The following GALNTL6 variants were observed in gnomAD, a reference collection of about 807,000 sequenced individuals.
The protein encoded by GALNTL6 is polypeptide N-acetylgalactosaminyltransferase like 6.
A neutral mutation model predicts 73.7 loss-of-function variants in GALNTL6; 46 were observed. The observed-to-expected ratio is 0.62, with a 90% CI of 0.49 to 0.80. The LOEUF (loss-of-function observed/expected upper bound fraction) is 0.80. Ranked by LOEUF, GALNTL6 falls within the 30% of genes least tolerant of loss-of-function variation. The probability of loss-of-function intolerance (pLI) is 0.00; values close to 1 mark genes in which losing one functional copy is unlikely to be tolerated. For synonymous variants in GALNTL6, 259 were observed against 263.7 expected, an observed-to-expected ratio of 0.98 and a Z score of 0.17; for missense variants, 604 against 755.0, an observed-to-expected ratio of 0.80 and a Z score of 2.34.
chr4:172,869,327 G>T (rs181613364), intron 7 of GALNTL6, among the ~76,000 whole-genome samples: 1 of 152,186 alleles, frequency 6.6e-6, no homozygotes, highest in Non-Finnish European at 1.5e-5. Context: ...ACTGATATAG[G>T]TGGAGTTGTC....
At chr4:172,953,555 G>C (rs576653635) in intron 10 of GALNTL6, among the ~76,000 whole-genome samples, 4 of 152,182 alleles carry the variant, frequency 2.6e-5, no homozygotes, top group Admixed American at 2.6e-4. Context: ...CCAGGGCATG[G>C]TAGGAGAGGC....
At chr4:171,978,438 T>G (rs1030892320) in intron 2 of GALNTL6, among the ~76,000 whole-genome samples, 1 of 152,102 alleles carries the variant, frequency 6.6e-6, no homozygotes, top group African/African-American at 2.4e-5. Context: ...AGGGGAGATA[T>G]GTCCACTCTA....
intron 5 of GALNTL6, among the ~76,000 whole-genome samples, chr4:172,775,115 T>C (rs922529226): frequency 5.9e-5 from 9 of 152,058 alleles, no homozygotes; most frequent in African/African-American, 2.2e-4. Context: ...TTTTTCTCAC[T>C]GGAAAAGCAT....
At chr4:172,174,073 G>C (rs1381318010) in intron 2 of GALNTL6, among the ~76,000 whole-genome samples, 1 of 152,174 alleles carries the variant, frequency 6.6e-6, no homozygotes, top group Admixed American at 6.5e-5. Context: ...CATTCTAGCT[G>C]AAACATAGAA....
intron 2 of GALNTL6, among the ~76,000 whole-genome samples, chr4:171,942,463 C>G (rs1217158786): frequency 6.6e-6 from 1 of 152,032 alleles, no homozygotes; most frequent in Non-Finnish European, 1.5e-5. Context: ...ATTTGAATCA[C>G]TATTACTCTG....
At chr4:172,889,046 T>C (rs1745878222) in intron 8 of GALNTL6, among the ~76,000 whole-genome samples, 1 of 152,180 alleles carries the variant, frequency 6.6e-6, no homozygotes, top group Non-Finnish European at 1.5e-5. Flanking sequence ...GCATTATTGA[T>C]TCAACTCTCA....
At chr4:172,410,345 C>T (rs1744386506) in intron 5 of GALNTL6, among the ~76,000 whole-genome samples, 1 of 151,914 alleles carries the variant, frequency 6.6e-6, no homozygotes, top group African/African-American at 2.4e-5. Flanking sequence ...CTCCAGAACT[C>T]TATTATATAA....
intron 2 of GALNTL6, among the ~76,000 whole-genome samples, chr4:171,926,499 T>C (rs1165530994): frequency 3.3e-5 from 5 of 152,130 alleles, no homozygotes; most frequent in East Asian, 1.9e-4. Context: ...CTGCTACTTA[T>C]GGAATTTTTA....
chr4:172,335,202 A>G (rs1741272714), intron 4 of GALNTL6, among the ~76,000 whole-genome samples: 1 of 152,010 alleles, frequency 6.6e-6, no homozygotes, highest in African/African-American at 2.4e-5. Context: ...CACCAATCAT[A>G]TGACTTTTGT....
chr4:172,721,873 A>G (rs1429131514), intron 5 of GALNTL6, among the ~76,000 whole-genome samples: 2 of 152,156 alleles, frequency 1.3e-5, no homozygotes, highest in Non-Finnish European at 2.9e-5. Context: ...AGGGATAATG[A>G]ACTTGTGTTA....
intron 2 of GALNTL6, among the ~76,000 whole-genome samples, chr4:171,933,094 G>T (rs894933669): frequency 1.3e-5 from 2 of 152,108 alleles, no homozygotes; most frequent in Non-Finnish European, 2.9e-5. Context: ...ACTTATGAAT[G>T]ATAACTATGT....
At chr4:172,593,781 GT>G (rs1737746291) in intron 5 of GALNTL6, among the ~76,000 whole-genome samples, 2 of 151,908 alleles carry the variant, frequency 1.3e-5, no homozygotes, top group Admixed American at 6.6e-5. Flanking sequence ...CCAGGCTGGA[GT>G]GTAATAGTGT....
chr4:172,760,429 A>G (rs1738016241), intron 5 of GALNTL6, among the ~76,000 whole-genome samples: 1 of 152,174 alleles, frequency 6.6e-6, no homozygotes. Flanking sequence ...ACTATTCCTG[A>G]AATTTTTAAA....
At chr4:172,797,413 T>A (rs942170547) in intron 5 of GALNTL6, among the ~76,000 whole-genome samples, 1 of 151,818 alleles carries the variant, frequency 6.6e-6, no homozygotes, top group East Asian at 1.9e-4. Flanking sequence ...CCCGGCTAAT[T>A]TTTTGTATTT....
In GALNTL6 at chr4:172,626,289, C is replaced by G. The variant is rs1224377439; in HGVS notation, c.554-183072C>G. Among the ~76,000 whole-genome samples the G allele has an allele frequency of 2.0e-5, 3 of 152,050 alleles. No homozygotes were observed. The East Asian group carries it at 5.8e-4, about 29-fold the overall frequency. ...TTGAATAGAAAGTCCTTTCCACTTG[C>G]TTATTTTTGTAGACTTAGTTGCAGA... is the stretch of plus-strand genomic sequence containing the variant. On this transcript the variant is annotated intron_variant, in intron 5 of 12. Transcript: ENST00000506823.
intron 2 of GALNTL6, among the ~76,000 whole-genome samples, chr4:172,072,269 G>T (rs1270558767): frequency 1.3e-5 from 2 of 151,468 alleles, no homozygotes; most frequent in East Asian, 3.9e-4. Flanking sequence ...CAATATGTTT[G>T]ACTCTTCACA....
chr4:172,782,729 C>T (rs1196851233), intron 5 of GALNTL6, among the ~76,000 whole-genome samples: 1 of 152,026 alleles, frequency 6.6e-6, no homozygotes, highest in African/African-American at 2.4e-5. Flanking sequence ...TTAAGATTAG[C>T]CTTCACACTA....
intron 5 of GALNTL6, among the ~76,000 whole-genome samples, chr4:172,637,066 C>T (rs1388712236): frequency 6.6e-6 from 1 of 151,984 alleles, no homozygotes; most frequent in Non-Finnish European, 1.5e-5. Flanking sequence ...AACAGCCAAA[C>T]TAAAATGGTA....
chr4:172,918,064 C>T (rs1239592778), intron 8 of GALNTL6, among the ~76,000 whole-genome samples: 1 of 152,134 alleles, frequency 6.6e-6, no homozygotes, highest in Non-Finnish European at 1.5e-5. Context: ...GAATACTATG[C>T]AGCCATAAAA....
Sources: allele counts gnomAD v4.1 joint callset (sites outside exome capture counted in the v4.1 genomes callset), GRCh38; gene constraint gnomAD v4.1.1; transcripts MANE v1.5; gene names NCBI Gene and HGNC (gene_info 2026-07-23, HGNC 2026-07-21).